The following PCDHGB1 variants were observed in gnomAD, a reference collection of about 807,000 sequenced individuals.
PCDHGB1 encodes the protein protocadherin gamma subfamily B, 1.
A neutral mutation model predicts 56.6 loss-of-function variants in PCDHGB1; 34 were observed. The ratio of observed to expected loss-of-function variants is 0.60; its 90% CI spans 0.46 to 0.80. The LOEUF (loss-of-function observed/expected upper bound fraction) is 0.80, where lower values mean the gene tolerates loss of function less well. PCDHGB1 is among the 30% of genes least tolerant of loss of function. The pLI, the probability that PCDHGB1 is intolerant of heterozygous loss-of-function variation, is 0.00. For synonymous variants in PCDHGB1, 561 were observed against 505.9 expected, an observed-to-expected ratio of 1.11 and a Z score of -1.46; for missense variants, 1,278 against 1,204.6, an observed-to-expected ratio of 1.06 and a Z score of -0.90.
intron 1 of PCDHGB1, chr5:141,372,038 G>C: frequency 1.2e-6 from 2 of 1,613,506 alleles, no homozygotes; most frequent in South Asian, 1.1e-5. Context: ...ACGTGAGCCT[G>C]CGCGTGTTGG....
At chr5:141,413,501 G>A (rs772110374) in intron 1 of PCDHGB1, 1 of 1,614,040 alleles carries the variant, frequency 6.2e-7, no homozygotes, top group Non-Finnish European at 8.5e-7. Context: ...TGCGTGGTGA[G>A]TTTTAATATC....
In PCDHGB1 at chr5:141,351,878, G is replaced by A. The variant is rs752047664; in HGVS notation, c.1618G>A (p.Ala540Thr). ...GGACCAGGGCTCCCCCGCGCTCAGC[G>A]CCAACGTGAGCCTGCGCGTGTTGGT... ...ARDQGSPALS[A>T]NVSLRVLVGD... Residue 540 changes from alanine (A) to threonine (T), a missense_variant, in exon 1 of 4, where the codon GCC (alanine) becomes ACC (threonine). By Grantham distance (58) the Ala-to-Thr change is moderately conservative. Coordinates refer to ENST00000523390, the MANE Select transcript of PCDHGB1 (RefSeq NM_018922.3). The A allele has an allele frequency of 1.2e-6, 2 of 1,613,298 alleles. No homozygotes were observed. The highest frequency in any genetic ancestry group is 1.7e-6 in the Non-Finnish European group (2 of 1,179,724).
chr5:141,384,522 T>A, intron 1 of PCDHGB1: 2 of 1,614,192 alleles, frequency 1.2e-6, no homozygotes, highest in Non-Finnish European at 1.7e-6. Flanking sequence ...GGGACCCGCC[T>A]CTCAGCAGCA....
rs367919924 is a variant in PCDHGB1, at chr5:141,487,711, T to A, written c.2410-7096T>A. The A allele has an allele frequency of 1.1e-5, 18 of 1,586,144 alleles. No individual in the cohort carries two copies. In the African/African-American group the frequency reaches 2.1e-4, roughly 19 times the overall value. On this transcript the variant is annotated intron_variant, in intron 1 of 3. Transcript: ENST00000523390. The surrounding 1 kb of genome is among the most constrained non-coding windows in gnomAD (Gnocchi z 5.0). ...TAGAGAGTACTGGCCTCTCAGTAAG[T>A]GCCCATAGTGATGTCACCATTTTTG...
chr5:141,374,934 T>C (rs1296373171), intron 1 of PCDHGB1: 2 of 1,614,038 alleles, frequency 1.2e-6, no homozygotes, highest in Admixed American at 1.7e-5. Context: ...TTTGTGAAGA[T>C]TACAGAAAAG....
rs1445356223 is a variant in PCDHGB1, at chr5:141,490,414, G to T, written c.2410-4393G>T. On this transcript the variant is annotated intron_variant, in intron 1 of 3. Transcript: ENST00000523390. This position sits in a 1 kb window ranked among gnomAD's most constrained non-coding sequence, Gnocchi z 5.4. ...TGAAGTGAGCCTTGATATCTCTCCGGACCTGCCATTTCAGATTAAGCCTTC... is the reference window on the plus strand; with the variant it reads ...TGAAGTGAGCCTTGATATCTCTCCGTACCTGCCATTTCAGATTAAGCCTTC... The T allele has an allele frequency of 1.2e-6, 2 of 1,614,138 alleles. No homozygotes were observed. The highest frequency in any genetic ancestry group is 1.7e-6 in the Non-Finnish European group (2 of 1,180,024).
At chr5:141,405,415 G>A in intron 1 of PCDHGB1, 4 of 1,559,568 alleles carry the variant, frequency 2.6e-6, no homozygotes, top group African/African-American at 1.4e-5. Flanking sequence ...TTCTTTTTTT[G>A]TTTTTTGTTT....
intron 1 of PCDHGB1, among the ~76,000 whole-genome samples, chr5:141,353,538 A>G (rs781518316): frequency 2.3e-4 from 35 of 152,310 alleles, no homozygotes; most frequent in Non-Finnish European, 4.0e-4. Context: ...TTGCATCACT[A>G]ACTTTGAGTC....
intron 1 of PCDHGB1, chr5:141,408,572 G>A (rs745760240): frequency 4.3e-6 from 7 of 1,614,048 alleles, no homozygotes; most frequent in East Asian, 2.2e-5. Flanking sequence ...TGTGGTGATT[G>A]AGGATGTTAA....
At position 141,491,899 on chromosome 5, in the gene PCDHGB1, G is replaced by A; in HGVS notation, c.2410-2908G>A. The A allele has an allele frequency of 7.0e-7, 1 of 1,433,322 alleles. No homozygotes were observed. Among genetic ancestry groups the A allele is most frequent in the South Asian group, 1.5e-5 (1 of 67,156 alleles). The allele number at this position is 1,433,322 out of a possible 1,614,324, so 88.8% of individuals were successfully genotyped here. A position where few individuals can be genotyped will look rare whatever the true frequency, so the allele number is the denominator to read the frequency against. On this transcript the variant is annotated intron_variant, in intron 1 of 3. Coordinates refer to ENST00000523390, the MANE Select transcript of PCDHGB1 (RefSeq NM_018922.3). The surrounding 1 kb of genome is among the most constrained non-coding windows in gnomAD (Gnocchi z 6.9). ...TTAAGGGATGGGGCTCCGAGCACCG[G>A]GGGTGGTGGCGACTGTGGGCGAGGG... is the stretch of plus-strand genomic sequence containing the variant.
At chr5:141,499,451 T>A (rs1378621877) in intron 2 of PCDHGB1, among the ~76,000 whole-genome samples, 3 of 152,130 alleles carry the variant, frequency 2.0e-5, no homozygotes, top group Non-Finnish European at 4.4e-5. Flanking sequence ...AAACCACCCA[T>A]CATTTTACAA....
At chr5:141,401,115 G>A (rs923480761) in intron 1 of PCDHGB1, among the ~76,000 whole-genome samples, 8 of 152,092 alleles carry the variant, frequency 5.3e-5, no homozygotes, top group Admixed American at 3.9e-4. Context: ...AGGCCGAGGC[G>A]GTTGGATCAC....
chr5:141,489,260 CACA>C lies in PCDHGB1; in HGVS notation c.2410-5546_2410-5544del, dbSNP rs1242559724. 1 of 1,552,022 alleles carries C rather than the reference CACA, an allele frequency of 6.4e-7. No individual in the cohort carries two copies. Among genetic ancestry groups the C allele is most frequent in the Non-Finnish European group, 8.7e-7 (1 of 1,149,038 alleles). ...TGGGTCATGGGGCCCAAGACACTCCCACAGCTCGCTGGGAAATGGCAAGTGCTG... is the reference window on the plus strand; with the variant it reads ...TGGGTCATGGGGCCCAAGACACTCCCGCTCGCTGGGAAATGGCAAGTGCTG... On this transcript the variant is annotated intron_variant, in intron 1 of 3. Coordinates refer to ENST00000523390, the MANE Select transcript of PCDHGB1 (RefSeq NM_018922.3). The surrounding 1 kb of genome is among the most constrained non-coding windows in gnomAD (Gnocchi z 4.5).
At chr5:141,503,801 G>A (rs920669425) in intron 2 of PCDHGB1, among the ~76,000 whole-genome samples, 1 of 151,990 alleles carries the variant, frequency 6.6e-6, no homozygotes, top group Admixed American at 6.6e-5. Flanking sequence ...ACTTAGGGAC[G>A]GGGAATCCCA....
chr5:141,383,123 T>C, intron 1 of PCDHGB1: 1 of 1,614,066 alleles, frequency 6.2e-7, no homozygotes, highest in Non-Finnish European at 8.5e-7. Context: ...ACGCAGCTTT[T>C]CGCCCTGAAC....
At chr5:141,375,214 C>G in intron 1 of PCDHGB1, 1 of 1,613,810 alleles carries the variant, frequency 6.2e-7, no homozygotes. Flanking sequence ...GAGACTCTGG[C>G]CTGAATGGCC....
chr5:141,413,906 C>G, intron 1 of PCDHGB1: 1 of 1,613,310 alleles, frequency 6.2e-7, no homozygotes. Context: ...GACAACGCGC[C>G]GGTCTTCACC....
chr5:141,410,186 C>G, intron 1 of PCDHGB1: 1 of 1,613,940 alleles, frequency 6.2e-7, no homozygotes, highest in Non-Finnish European at 8.5e-7. Flanking sequence ...CACGCTTCAT[C>G]TGGTCTTCGC....
At chr5:141,478,236 TCA>T in intron 1 of PCDHGB1, 3 of 1,614,156 alleles carry the variant, frequency 1.9e-6, no homozygotes, top group Non-Finnish European at 2.5e-6. Flanking sequence ...GGGTTTGTGG[TCA>T]CAGTGTTCGG....
Sources: gnomAD v4.1 joint callset for allele counts (sites outside exome capture counted in the v4.1 genomes callset) on GRCh38, gnomAD v4.1.1 for gene constraint, Gnocchi (gnomAD v3.1) non-coding constraint, MANE v1.5 for transcripts, NCBI Gene and HGNC (gene_info 2026-07-23, HGNC 2026-07-21) for gene names.